Variants in PRDM4 observed in about 807,000 individuals in gnomAD.
PRDM4 encodes PR domain zinc finger protein 4.
Under a neutral mutation model 62.3 loss-of-function variants are expected in PRDM4, and 38 were observed. The ratio of observed to expected loss-of-function variants is 0.61; its 90% CI spans 0.47 to 0.80. PRDM4 has a LOEUF of 0.80. Ranked by LOEUF, PRDM4 falls within the 30% of genes least tolerant of loss-of-function variation. PRDM4 has a pLI of 0.00. For missense variants in PRDM4, 858 were observed against 997.1 expected (o/e 0.86, Z 1.88); for synonymous variants, 339 against 348.2 (o/e 0.97, Z 0.30).
chr12:107,742,026 T>C (rs184698991), intron 9 of PRDM4, among the ~76,000 whole-genome samples, 195 bp downstream of exon 9: 11 of 152,338 alleles, frequency 7.2e-5, no homozygotes, highest in Non-Finnish European at 1.3e-4. Flanking sequence ...ATATGAATTA[T>C]TGCTTGGTCA....
At chr12:107,758,878 A>C (rs776644977) in intron 2 of PRDM4, among the ~76,000 whole-genome samples, 2 of 152,202 alleles carry the variant, frequency 1.3e-5, no homozygotes, top group Non-Finnish European at 2.9e-5. Context: ...GGAGCTATGC[A>C]AACTCATCAC....
intron 5 of PRDM4, among the ~76,000 whole-genome samples, chr12:107,746,930 A>AT (rs903563426): frequency 1.3e-5 from 2 of 152,114 alleles, no homozygotes; most frequent in Middle Eastern, 3.4e-3. Flanking sequence ...GTAAGATCTG[A>AT]TTTTTTTTCT....
rs1449677274 is a variant in PRDM4 at position 107,756,976 on chromosome 12, G to A, written c.12-11C>T. 4 of 1,613,506 alleles carry A rather than the reference G, an allele frequency of 2.5e-6. No homozygotes were observed. The highest frequency in any genetic ancestry group is 2.5e-6 in the Non-Finnish European group (3 of 1,179,816). Reference sequence around the variant, plus strand: ...TTCATTTCATTCATCCTAGAAAAGAGCACACACAACTAGTTATGCAAAAAT... The same window carrying A: ...TTCATTTCATTCATCCTAGAAAAGAACACACACAACTAGTTATGCAAAAAT... On this transcript the variant is annotated splice_polypyrimidine_tract_variant and intron_variant, in intron 2 of 11. Coordinates refer to ENST00000228437, the MANE Select transcript of PRDM4 (RefSeq NM_012406.4).
intron 11 of PRDM4, among the ~76,000 whole-genome samples, chr12:107,738,911 ACAC>A (rs1012950932): frequency 3.3e-5 from 5 of 150,156 alleles, no homozygotes; most frequent in African/African-American, 7.4e-5. Flanking sequence ...ACACACACAC[ACAC>A]CAACAGAACA....
In PRDM4 at chr12:107,751,967, T is replaced by C. The variant is rs749357172; in HGVS notation, c.574A>G (p.Ile192Val). ...ACCCTAGAAACGTTCTCCATAGTGA[T>C]TGCTGTGTCCAAGGCCACCTCATGG... is the stretch of plus-strand genomic sequence containing the variant. ...DGHEVALDTA[I>V]TMENVSRVTS... is the part of the protein sequence containing the mutation. The change falls in exon 5 of 12, where the codon ATC (isoleucine) becomes GTC (valine). Residue 192 changes from isoleucine to valine, a missense_variant. By Grantham distance (29) the Ile-to-Val change is conservative (BLOSUM62 3). This residue lies in a region of PRDM4 where 499 missense variants were observed against 546.7 expected (regional missense o/e 0.91). Transcript: ENST00000228437. 1.1e-5 allele frequency: 17 copies of C among 1,614,122 alleles called. No homozygotes were observed. The highest frequency in any genetic ancestry group is 1.3e-5 in the Non-Finnish European group (15 of 1,180,044).
At chr12:107,745,202 A>G (rs1890657022) in intron 6 of PRDM4, among the ~76,000 whole-genome samples, 1 of 152,202 alleles carries the variant, frequency 6.6e-6, no homozygotes, top group African/African-American at 2.4e-5. Flanking sequence ...AAGAAGAAAT[A>G]TCAGGAATTC....
At chr12:107,734,939 T>C (rs951054587) in intron 11 of PRDM4, among the ~76,000 whole-genome samples, 3 of 152,190 alleles carry the variant, frequency 2.0e-5, no homozygotes, top group African/African-American at 7.2e-5. Context: ...GGTTTCCAGT[T>C]TTTTATTATC....
Position 107,756,735 on chromosome 12 carries a change from T to TTCTACCC in PRDM4, c.145+90_145+96dup. 5 of 1,434,128 alleles carry TTCTACCC rather than the reference T, an allele frequency of 3.5e-6. No homozygotes were observed. The South Asian group carries it at 5.3e-5, about 15-fold the overall frequency. The allele number at this position is 1,434,128 out of a possible 1,614,324, so 88.8% of individuals were successfully genotyped here. Reference sequence around the variant, plus strand: ...GCCTGCTTACCTTCTCCCTTCTACCTTCTACCCTTAAAGGGGCTCTGATCT... The same window carrying TTCTACCC: ...GCCTGCTTACCTTCTCCCTTCTACCTTCTACCCTCTACCCTTAAAGGGGCTCTGATCT... On this transcript the variant is annotated intron_variant, in intron 3 of 11. Coordinates refer to ENST00000228437, the MANE Select transcript of PRDM4 (RefSeq NM_012406.4).
rs772721299 is a variant in PRDM4 at position 107,752,123 on chromosome 12, T to C, written c.418A>G (p.Ile140Val). Residue 140 changes from isoleucine (I) to valine (V), a missense_variant, in exon 5 of 12, where the codon ATC (isoleucine) becomes GTC (valine). Around this residue, in one of 3 missense-constraint regions of PRDM4, gnomAD observed 499 missense variants for 546.7 expected, o/e 0.91. Coordinates refer to ENST00000228437, the MANE Select transcript of PRDM4 (RefSeq NM_012406.4). ...INVDGNTALS[I>V]TNNPSALDPY... ...TCTAGTGCTGAAGGGTTATTGGTGA[T>C]AGATAATGCTGTATTACCATCAACA... 6.2e-7 allele frequency: 1 copy of C among 1,603,676 alleles called. No individual in the cohort carries two copies. The highest frequency in any genetic ancestry group is 1.3e-5 in the African/African-American group (1 of 74,634).
intron 3 of PRDM4, 133 bp from the exon 4 acceptor site, chr12:107,754,242 T>A (rs1358517500): frequency 3.2e-6 from 2 of 618,414 alleles, no homozygotes; most frequent in African/African-American, 1.9e-5. Context: ...CTTTTCATCC[T>A]TAGATAATGT....
In PRDM4 at chr12:107,760,655, C is replaced by T. The variant is rs926224347; in HGVS notation, c.-140G>A. On this transcript the variant is annotated 5_prime_UTR_variant, in exon 2 of 12. Transcript: ENST00000228437. The stretch of plus-strand genomic sequence containing the variant: ...GCGGCCACTCGTCCCCGGGGTCGCC[C>T]GGGGCCGCCCAACTTCTCCCGAGGG... 180 of 1,075,286 alleles carry T rather than the reference C, an allele frequency of 1.7e-4. No homozygotes were observed. Among genetic ancestry groups the T allele is most frequent in the Non-Finnish European group, 2.2e-4 (168 of 759,474 alleles). The allele number at this position is 1,075,286 out of a possible 1,614,324, so 66.6% of individuals were successfully genotyped here. A position where few individuals can be genotyped will look rare whatever the true frequency, so the allele number is the denominator to read the frequency against.
intron 2 of PRDM4, among the ~76,000 whole-genome samples, chr12:107,759,289 A>T (rs188981150): frequency 6.6e-6 from 1 of 152,280 alleles, no homozygotes; most frequent in Admixed American, 6.5e-5. Flanking sequence ...CTGTAGCCTA[A>T]AGAAAACATA....
At chr12:107,745,944 A>G (rs769500728) in intron 6 of PRDM4, among the ~76,000 whole-genome samples, 3 of 152,254 alleles carry the variant, frequency 2.0e-5, no homozygotes, top group Non-Finnish European at 1.5e-5. Flanking sequence ...TTTCTATAAA[A>G]GAAACTAAGT....
intron 2 of PRDM4, 47 bp downstream of exon 2, chr12:107,760,456 CAG>C (rs752090709): frequency 9.9e-6 from 16 of 1,610,462 alleles, no homozygotes; most frequent in South Asian, 6.6e-5. Context: ...ACTCACTCGC[CAG>C]AGTTTCCAAC....
Position 107,756,816 on chromosome 12 carries a change from C to A in PRDM4, c.145+16G>T, listed in dbSNP as rs553197901. The A allele has an allele frequency of 1.1e-5, 17 of 1,613,666 alleles. No homozygotes were observed. In the South Asian group the frequency reaches 1.2e-4, roughly 11 times the overall value. ...AGTTAAGTGTTGAAATGCAGTAGGT[C>A]TCCCTTACCACTCACCTGGGGCAGG... On this transcript the variant is annotated intron_variant, in intron 3 of 11. Transcript: ENST00000228437.
At position 107,742,288 on chromosome 12, in the gene PRDM4, G is replaced by C; in HGVS notation, c.1542C>G (p.Thr514=). The C allele has an allele frequency of 6.2e-7, 1 of 1,613,230 alleles. No individual in the cohort carries two copies. The highest frequency in any genetic ancestry group is 1.1e-5 in the South Asian group (1 of 91,068). The change falls in exon 9 of 12, where the codon ACC becomes ACG. Residue 514 remains threonine, a synonymous_variant. Coordinates refer to ENST00000228437, the MANE Select transcript of PRDM4 (RefSeq NM_012406.4). ...CATTTTCAGGAGGGATATCTTGTGA[G>C]GTGCAGAAAAAGATTTTTCCATCAT... ...YPHDGKIFFC[T]SQDIPPENEL...
In PRDM4 at chr12:107,751,484, C is replaced by A. The variant is rs1890892152; in HGVS notation, c.1057G>T (p.Val353Leu). Reference protein sequence around the residue: ...VDVSSDSLSFVSPSLQMEDSN... With the variant: ...VDVSSDSLSFLSPSLQMEDSN... ...TCTTCCATTTGCAGTGAAGGTGATA[C>A]AAAAGAAAGACTGTCTGAAGATACA... is the stretch of plus-strand genomic sequence containing the variant. The change falls in exon 5 of 12, where the codon GTA becomes TTA. Residue 353 changes from valine (V) to leucine (L), a missense_variant. By Grantham distance (32) the Val-to-Leu change is conservative. Around this residue, in one of 3 missense-constraint regions of PRDM4, gnomAD observed 499 missense variants for 546.7 expected, o/e 0.91. Transcript: ENST00000228437. 1.1e-5 allele frequency: 18 copies of A among 1,614,030 alleles called. No homozygotes were observed. The highest frequency in any genetic ancestry group is 1.5e-5 in the Non-Finnish European group (18 of 1,179,906).
chr12:107,756,675 T>C (rs1428536869), intron 3 of PRDM4, among the ~76,000 whole-genome samples, 157 bp downstream of exon 3: 1 of 152,200 alleles, frequency 6.6e-6, no homozygotes, highest in African/African-American at 2.4e-5. Flanking sequence ...AAACCTTATT[T>C]TCCATTACCT....
intron 7 of PRDM4, 127 bp from the exon 8 acceptor site, chr12:107,743,409 T>C (rs987163260): frequency 1.6e-6 from 1 of 637,904 alleles, no homozygotes; most frequent in Non-Finnish European, 2.8e-6. Context: ...AGTGGGAAAA[T>C]ATATTCCTAC....
Sources: gnomAD v4.1 joint callset for allele counts (sites outside exome capture counted in the v4.1 genomes callset) on GRCh38, gnomAD v4.1.1 for gene constraint, gnomAD v4.1.1 regional missense constraint, MANE v1.5 for transcripts, NCBI Gene and HGNC (gene_info 2026-07-23, HGNC 2026-07-21) for gene names.